The following XKR4 variants were observed in gnomAD, a reference collection of about 807,000 sequenced individuals.
XKR4 encodes XK-related protein 4.
XKR4 carries 12 observed loss-of-function variants against 53.9 expected under a neutral mutation model. That is an observed-to-expected ratio of 0.22 (90% CI 0.14 to 0.36). XKR4 has a LOEUF of 0.36. XKR4 is among the 10% of genes least tolerant of loss of function. The pLI, the probability that XKR4 is intolerant of heterozygous loss-of-function variation, is 1.00. For synonymous variants in XKR4, 354 were observed against 362.4 expected (o/e 0.98, Z 0.26); for missense variants, 799 against 859.5 (o/e 0.93, Z 0.88).
At chr8:55,135,562 A>G (rs1304191081) in intron 1 of XKR4, 1 of 455,266 alleles carries the variant, frequency 2.2e-6, no homozygotes, top group South Asian at 1.6e-5. Context: ...CAACATGTCC[A>G]TTGCTTTCTG....
chr8:55,179,286 A>G (rs971644745), intron 1 of XKR4, among the ~76,000 whole-genome samples: 1 of 147,972 alleles, frequency 6.8e-6, no homozygotes, highest in Non-Finnish European at 1.5e-5. Flanking sequence ...GAGCATGACA[A>G]CATTCCACCT....
intron 1 of XKR4, among the ~76,000 whole-genome samples, chr8:55,155,513 A>T (rs1816894841): frequency 6.6e-6 from 1 of 152,126 alleles, no homozygotes; most frequent in Admixed American, 6.5e-5. Context: ...GTCAGAAAAT[A>T]ATAAAGTGCT....
At chr8:55,460,529 T>C (rs1310588528) in intron 2 of XKR4, among the ~76,000 whole-genome samples, 1 of 152,236 alleles carries the variant, frequency 6.6e-6, no homozygotes, top group Non-Finnish European at 1.5e-5. Context: ...TAGGAACAGC[T>C]TCAGTCTACA....
chr8:55,435,143 G>A (rs1288941240), intron 2 of XKR4, among the ~76,000 whole-genome samples: 1 of 152,220 alleles, frequency 6.6e-6, no homozygotes, highest in Non-Finnish European at 1.5e-5. Context: ...TACAGCTTTT[G>A]TGTCAGCTGC....
Position 55,529,285 on chromosome 8 carries a change from CT to C in XKR4, c.*5062del, listed in dbSNP as rs1806917947. ...AGTGACCTGGCCCCCAAATGTAAAG[CT>C]TTTGTCAACCTTGAGGCCTATATTC... On this transcript the variant is annotated 3_prime_UTR_variant, in exon 3 of 3. Transcript: ENST00000327381. The C allele has an allele frequency of 6.6e-6, 1 of 151,856 alleles. No individual in the cohort carries two copies. Among genetic ancestry groups the C allele is most frequent in the Admixed American group, 6.6e-5 (1 of 15,228 alleles). 9.4% of individuals were successfully genotyped at this position (151,856 alleles called of 1,614,324 possible).
At chr8:55,215,421 C>T (rs1048489310) in intron 1 of XKR4, among the ~76,000 whole-genome samples, 1 of 152,158 alleles carries the variant, frequency 6.6e-6, no homozygotes, top group Non-Finnish European at 1.5e-5. Context: ...TAAGAAACTA[C>T]ACAACATCAG....
At chr8:55,167,501 G>A (rs1817086510) in intron 1 of XKR4, among the ~76,000 whole-genome samples, 1 of 152,128 alleles carries the variant, frequency 6.6e-6, no homozygotes, top group Non-Finnish European at 1.5e-5. Flanking sequence ...AAAGAACCCA[G>A]GACCCCAAAT....
rs954439259 is a variant in XKR4 at position 55,476,248 on chromosome 8, T to A, written c.1007-47033T>A. ...AATGCACTAACCCAAGACCCAGTCA[T>A]GTGTGACATGAAGGAAAAGCCAGTA... is the stretch of plus-strand genomic sequence containing the variant. On this transcript the variant is annotated intron_variant, in intron 2 of 2. Coordinates refer to ENST00000327381, the MANE Select transcript of XKR4 (RefSeq NM_052898.2). Among the ~76,000 whole-genome samples, 9 of 152,114 alleles carry A rather than the reference T, an allele frequency of 5.9e-5. No individual in the cohort carries two copies. In the East Asian group the frequency reaches 1.7e-3, roughly 29 times the overall value.
At chr8:55,521,760 T>C (rs1217497986) in intron 2 of XKR4, among the ~76,000 whole-genome samples, 1 of 152,242 alleles carries the variant, frequency 6.6e-6, no homozygotes, top group Non-Finnish European at 1.5e-5. Context: ...TGTCAATTAG[T>C]GTGGTCTTTT....
At chr8:55,191,955 G>A (rs577999383) in intron 1 of XKR4, among the ~76,000 whole-genome samples, 25 of 151,426 alleles carry the variant, frequency 1.7e-4, no homozygotes, top group African/African-American at 4.3e-4. Context: ...TTGTGATGAC[G>A]TAATGACTTG....
intron 1 of XKR4, among the ~76,000 whole-genome samples, chr8:55,340,678 T>C (rs1803530780): frequency 6.6e-6 from 1 of 152,228 alleles, no homozygotes; most frequent in Non-Finnish European, 1.5e-5. Flanking sequence ...GGATCACTCC[T>C]CGGCATCAAG....
At chr8:55,487,637 T>G in intron 2 of XKR4, among the ~76,000 whole-genome samples, 1 of 152,090 alleles carries the variant, frequency 6.6e-6, no homozygotes, top group African/African-American at 2.4e-5. Context: ...CAGATAACTT[T>G]TTTGTATTTT....
At chr8:55,316,434 T>G (rs186791892) in intron 1 of XKR4, among the ~76,000 whole-genome samples, 7 of 152,238 alleles carry the variant, frequency 4.6e-5, no homozygotes, top group Non-Finnish European at 7.3e-5. Flanking sequence ...AGTCATGAGT[T>G]GTCTAGATAT....
intron 1 of XKR4, among the ~76,000 whole-genome samples, chr8:55,256,045 G>T (rs1454421760): frequency 6.6e-6 from 1 of 151,622 alleles, no homozygotes; most frequent in Non-Finnish European, 1.5e-5. Flanking sequence ...CCTTTTCTAG[G>T]GGTTGTATCT....
intron 1 of XKR4, among the ~76,000 whole-genome samples, chr8:55,289,571 GAGAGAA>G (rs2129375098): frequency 1.1e-5 from 1 of 89,912 alleles, no homozygotes; most frequent in Non-Finnish European, 2.1e-5. Flanking sequence ...GAAGGAAGGA[GAGAGAA>G]AGGAAGAAAG....
chr8:55,215,548 C>G (rs1442160440), intron 1 of XKR4, among the ~76,000 whole-genome samples: 1 of 152,034 alleles, frequency 6.6e-6, no homozygotes, highest in African/African-American at 2.4e-5. Flanking sequence ...CTTTAGAACA[C>G]AAGAATAATT....
At chr8:55,276,150 C>A (rs1181603894) in intron 1 of XKR4, among the ~76,000 whole-genome samples, 1 of 152,190 alleles carries the variant, frequency 6.6e-6, no homozygotes, top group African/African-American at 2.4e-5. Flanking sequence ...TAGAACTACA[C>A]TTCACACAGC....
chr8:55,306,628 C>G (rs1477628494), intron 1 of XKR4, among the ~76,000 whole-genome samples: 1 of 152,228 alleles, frequency 6.6e-6, no homozygotes, highest in Non-Finnish European at 1.5e-5. Context: ...GATTTACTCA[C>G]TATCATGAGA....
intron 2 of XKR4, among the ~76,000 whole-genome samples, chr8:55,417,569 G>A (rs1177414016): frequency 6.6e-6 from 1 of 152,216 alleles, no homozygotes; most frequent in African/African-American, 2.4e-5. Flanking sequence ...CAGACTGACA[G>A]CACTCCAACT....
Sources: gnomAD v4.1 joint callset for allele counts (sites outside exome capture counted in the v4.1 genomes callset) on GRCh38, gnomAD v4.1.1 for gene constraint, MANE v1.5 for transcripts, NCBI Gene and HGNC (gene_info 2026-07-23, HGNC 2026-07-21) for gene names.